The following METTL14 variants were observed in gnomAD, a reference collection of about 807,000 sequenced individuals.
METTL14 encodes methyltransferase 14, N6-adenosine-methyltransferase non-catalytic subunit.
A neutral mutation model predicts 62.4 loss-of-function variants in METTL14; 32 were observed. That is an observed-to-expected ratio of 0.51 (90% CI 0.39 to 0.69). METTL14 has a LOEUF of 0.69. Among genes scored for constraint, METTL14 ranks in the 30% least tolerant of loss-of-function variants. The pLI is 0.00. For synonymous variants in METTL14, 150 were observed against 180.0 expected (o/e 0.83, Z 1.34); for missense variants, 340 against 551.9 (o/e 0.62, Z 3.85).
intron 10 of METTL14, 48 bp downstream of exon 10, chr4:118,705,869 T>TTTG: frequency 7.2e-7 from 1 of 1,384,000 alleles, no homozygotes. Flanking sequence ...GGGTTATGCA[T>TTTG]GTCAAGAAAT....
chr4:118,710,393 C>A lies in METTL14; in HGVS notation c.*91C>A, dbSNP rs770700459. 1.5e-5 allele frequency: 19 copies of A among 1,268,012 alleles called. No homozygotes were observed. Among genetic ancestry groups the A allele is most frequent in the African/African-American group, 3.0e-5 (2 of 66,412 alleles). 78.5% of individuals were successfully genotyped at this position (1,268,012 alleles called of 1,614,324 possible). On this transcript the variant is annotated 3_prime_UTR_variant, in exon 11 of 11. Transcript: ENST00000388822. The stretch of plus-strand genomic sequence containing the variant: ...GGAGACTTAACTTTAGAACTCACTT[C>A]CAGCTTGCACTTTGCTTTAATTTCT...
chr4:118,696,117 CAAAAAA>C (rs70941201), intron 6 of METTL14, among the ~76,000 whole-genome samples: 45 of 33,910 alleles, frequency 1.3e-3, no homozygotes, highest in East Asian at 1.0e-2. Flanking sequence ...GACTCTGTCT[CAAAAAA>C]AAAAAAAAAA....
intron 7 of METTL14, among the ~76,000 whole-genome samples, chr4:118,698,339 G>C (rs1474901620): frequency 1.3e-5 from 2 of 151,244 alleles, no homozygotes; most frequent in African/African-American, 4.9e-5. Context: ...TGTAATCCCA[G>C]CTACTCGGGA....
In METTL14 at chr4:118,710,605, G is replaced by T; in HGVS notation, c.*303G>T. 4.3e-6 allele frequency: 1 copy of T among 231,514 alleles called. No individual in the cohort carries two copies. Among genetic ancestry groups the T allele is most frequent in the Non-Finnish European group, 8.3e-6 (1 of 119,996 alleles). The allele number at this position is 231,514 out of a possible 1,614,324, so 14.3% of individuals were successfully genotyped here. On this transcript the variant is annotated 3_prime_UTR_variant, in exon 11 of 11. Coordinates refer to ENST00000388822, the MANE Select transcript of METTL14 (RefSeq NM_020961.4). ...ACTTCAGCTAATTACAAAGGATTTT[G>T]CTAATTTTTGGGAATAAATAATGGA...
intron 7 of METTL14, among the ~76,000 whole-genome samples, chr4:118,699,422 A>G (rs1355373151): frequency 1.3e-5 from 2 of 152,236 alleles, no homozygotes; most frequent in Non-Finnish European, 2.9e-5. Context: ...ACTTAAGATT[A>G]GAGACTTAAT....
chr4:118,713,317 T>C lies in METTL14; in HGVS notation c.*3015T>C, dbSNP rs989692500. The C allele has an allele frequency of 1.3e-5, 2 of 152,186 alleles. No individual in the cohort carries two copies. Among genetic ancestry groups the C allele is most frequent in the Non-Finnish European group, 2.9e-5 (2 of 68,022 alleles). 9.4% of individuals were successfully genotyped at this position (152,186 alleles called of 1,614,324 possible). On this transcript the variant is annotated 3_prime_UTR_variant, in exon 11 of 11. Transcript: ENST00000388822. ...TTGGGAGCTATATTGTGCATCAGGG[T>C]GTCACAGCTGCTACTAGGAGTTACT...
At chr4:118,686,455 T>C (rs772225037) in intron 1 of METTL14, 18 of 392,466 alleles carry the variant, frequency 4.6e-5, no homozygotes, top group Non-Finnish European at 8.1e-5. Context: ...GCTCATAGAG[T>C]GTAATTAGTC....
intron 7 of METTL14, 84 bp downstream of exon 7, chr4:118,697,407 A>G (rs1724446267): frequency 8.4e-7 from 1 of 1,189,262 alleles, no homozygotes; most frequent in Non-Finnish European, 1.2e-6. Flanking sequence ...GATAATAAAT[A>G]TCATCCCTAC....
intron 2 of METTL14, among the ~76,000 whole-genome samples, chr4:118,689,105 AT>A (rs1374667001): frequency 6.6e-6 from 1 of 152,226 alleles, no homozygotes; most frequent in African/African-American, 2.4e-5. Flanking sequence ...ACAGATTAAA[AT>A]AATACATACT....
chr4:118,702,938 T>TTTACTATTA (rs550550749), intron 8 of METTL14, among the ~76,000 whole-genome samples: 10 of 135,160 alleles, frequency 7.4e-5, no homozygotes, highest in African/African-American at 2.5e-4. Context: ...GTTGGAAGGT[T>TTTACTATTA]TTATTATTAT....
Position 118,710,202 on chromosome 4 carries a change from G to T in METTL14, c.1271G>T (p.Gly424Val), listed in dbSNP as rs1724876671. 6.2e-7 allele frequency: 1 copy of T among 1,614,096 alleles called. No individual in the cohort carries two copies. Among genetic ancestry groups the T allele is most frequent in the Non-Finnish European group, 8.5e-7 (1 of 1,180,046 alleles). Reference protein sequence around the residue: ...RGGGRGGTSAGRGRERNRSNF... With the variant: ...RGGGRGGTSAVRGRERNRSNF... ...GGAGGAAGAGGTGGAACTTCTGCTG[G>T]CCGTGGACGAGAAAGAAATAGATCT... Residue 424 changes from glycine (G) to valine (V), a missense_variant, in exon 11 of 11, where the codon GGC becomes GTC. Gly to Val is a moderately radical substitution (Grantham distance 109, BLOSUM62 -3). Coordinates refer to ENST00000388822, the MANE Select transcript of METTL14 (RefSeq NM_020961.4).
intron 5 of METTL14, among the ~76,000 whole-genome samples, 158 bp downstream of exon 5, chr4:118,692,226 C>CTTTT (rs11387432): frequency 4.6e-5 from 6 of 131,442 alleles, no homozygotes; most frequent in Non-Finnish European, 8.0e-5. Context: ...CTTTTCTTTT[C>CTTTT]TTTTTTTTTT....
chr4:118,691,877 CAATT>C (rs1376787406), intron 4 of METTL14, 100 bp from the exon 5 acceptor site: 19 of 735,126 alleles, frequency 2.6e-5, no homozygotes, highest in South Asian at 2.0e-4. Context: ...TTAAATCTAT[CAATT>C]GATTGCATTT....
chr4:118,706,930 G>C (rs767189027), intron 10 of METTL14, among the ~76,000 whole-genome samples: 4 of 151,966 alleles, frequency 2.6e-5, no homozygotes, highest in Non-Finnish European at 5.9e-5. Context: ...TTGGCTGTTT[G>C]TTTTCTTATT....
rs1047241423 is a variant in METTL14 at position 118,712,341 on chromosome 4, G to C, written c.*2039G>C. Reference sequence around the variant, plus strand: ...CCACAAAATTATTTAGAAATGCTGGGCATGGTGGCTCATGCCTGTAATCCC... The same window carrying C: ...CCACAAAATTATTTAGAAATGCTGGCCATGGTGGCTCATGCCTGTAATCCC... On this transcript the variant is annotated 3_prime_UTR_variant, in exon 11 of 11. Coordinates refer to ENST00000388822, the MANE Select transcript of METTL14 (RefSeq NM_020961.4). 6.6e-6 allele frequency: 1 copy of C among 152,110 alleles called. No homozygotes were observed. Among genetic ancestry groups the C allele is most frequent in the African/African-American group, 2.4e-5 (1 of 41,420 alleles). The allele number at this position is 152,110 out of a possible 1,614,324, so 9.4% of individuals were successfully genotyped here.
chr4:118,689,297 G>GTTT (rs1724170112), intron 2 of METTL14, 73 bp from the exon 3 acceptor site: 1 of 747,014 alleles, frequency 1.3e-6, no homozygotes, highest in Admixed American at 2.9e-5. Flanking sequence ...TTTATAACCT[G>GTTT]TTTATTATTA....
At position 118,710,394 on chromosome 4, in the gene METTL14, C is replaced by A; in HGVS notation, c.*92C>A. Reference sequence around the variant, plus strand: ...GAGACTTAACTTTAGAACTCACTTCCAGCTTGCACTTTGCTTTAATTTCTC... The same window carrying A: ...GAGACTTAACTTTAGAACTCACTTCAAGCTTGCACTTTGCTTTAATTTCTC... On this transcript the variant is annotated 3_prime_UTR_variant, in exon 11 of 11. Coordinates refer to ENST00000388822, the MANE Select transcript of METTL14 (RefSeq NM_020961.4). The A allele has an allele frequency of 7.9e-7, 1 of 1,270,054 alleles. No individual in the cohort carries two copies. The highest frequency in any genetic ancestry group is 1.6e-5 in the South Asian group (1 of 63,576). The allele number at this position is 1,270,054 out of a possible 1,614,324, so 78.7% of individuals were successfully genotyped here.
chr4:118,713,116 A>G lies in METTL14; in HGVS notation c.*2814A>G, dbSNP rs1347646651. The G allele has an allele frequency of 2.0e-5, 3 of 152,148 alleles. No homozygotes were observed. Among genetic ancestry groups the G allele is most frequent in the Non-Finnish European group, 4.4e-5 (3 of 68,052 alleles). The allele number at this position is 152,148 out of a possible 1,614,324, so 9.4% of individuals were successfully genotyped here. On this transcript the variant is annotated 3_prime_UTR_variant, in exon 11 of 11. Transcript: ENST00000388822. ...AATCAAGCAGGAGTGTGGCATGGCA[A>G]CCAACTCACAGATCCAGAGTTGAGA...
chr4:118,685,683 C>A, intron 1 of METTL14, 83 bp downstream of exon 1: 1 of 1,194,602 alleles, frequency 8.4e-7, no homozygotes, highest in South Asian at 1.3e-5. Context: ...CCGCCTTTTT[C>A]TGTCCCTTCT....
Sources: gnomAD v4.1 joint callset for allele counts (sites outside exome capture counted in the v4.1 genomes callset) on GRCh38, gnomAD v4.1.1 for gene constraint, MANE v1.5 for transcripts, NCBI Gene and HGNC (gene_info 2026-07-23, HGNC 2026-07-21) for gene names.